Variants in GEMIN5 observed in about 807,000 individuals in gnomAD.
GEMIN5 encodes gem nuclear organelle associated protein 5.
GEMIN5 carries 124 observed loss-of-function variants against 176.9 expected under a neutral mutation model. The observed-to-expected ratio is 0.70, with a 90% CI of 0.61 to 0.81. The LOEUF is 0.81. GEMIN5 is among the 40% of genes least tolerant of loss of function. GEMIN5 has a pLI of 0.00. For missense variants in GEMIN5, 1,843 were observed against 1,814.6 expected (o/e 1.02, Z -0.28); for synonymous variants, 673 against 665.2 (o/e 1.01, Z -0.18).
intron 3 of GEMIN5, among the ~76,000 whole-genome samples, chr5:154,933,725 T>C (rs1339840613): frequency 6.6e-6 from 1 of 152,202 alleles, no homozygotes; most frequent in Non-Finnish European, 1.5e-5. Context: ...TGTCAACCTT[T>C]GAAGACCCGG....
chr5:154,894,582 C>A (rs898288982), intron 24 of GEMIN5, among the ~76,000 whole-genome samples: 2 of 151,932 alleles, frequency 1.3e-5, no homozygotes, highest in Non-Finnish European at 2.9e-5. Context: ...ACCAGCCTGG[C>A]CAACATGGTG....
intron 21 of GEMIN5, 86 bp downstream of exon 21, chr5:154,901,253 C>T: frequency 2.3e-6 from 3 of 1,281,150 alleles, no homozygotes; most frequent in South Asian, 1.4e-5. Context: ...ACTGTTTCTT[C>T]TATTTATGTT....
chr5:154,901,583 T>C, intron 20 of GEMIN5, 97 bp from the exon 21 acceptor site: 1 of 1,029,616 alleles, frequency 9.7e-7, no homozygotes, highest in Non-Finnish European at 1.5e-6. Flanking sequence ...TTTTCGTCAA[T>C]GCATTCAGCA....
chr5:154,907,481 C>A, intron 16 of GEMIN5, 110 bp downstream of exon 16: 3 of 652,958 alleles, frequency 4.6e-6, no homozygotes, highest in South Asian at 1.9e-5. Context: ...ATGCTGTTTC[C>A]AAGAGTTGGA....
chr5:154,888,958 CGCCATTCTCCTGCCTCCAT>C (rs1477050458), intron 27 of GEMIN5, among the ~76,000 whole-genome samples: 4 of 151,842 alleles, frequency 2.6e-5, no homozygotes. Flanking sequence ...CCTGAGTTCA[CGCCATTCTCCTGCCTCCAT>C]GCTATTCTCC....
intron 15 of GEMIN5, among the ~76,000 whole-genome samples, chr5:154,908,412 C>T (rs1188857670): frequency 6.6e-6 from 1 of 151,992 alleles, no homozygotes; most frequent in Non-Finnish European, 1.5e-5. Flanking sequence ...AACTCCTGAC[C>T]TCAGGTGATC....
At position 154,938,146 on chromosome 5, in the gene GEMIN5, T is replaced by A. The variant is rs1582682613; in HGVS notation, c.-13A>T. The A allele has an allele frequency of 2.2e-6, 3 of 1,365,008 alleles. No individual in the cohort carries two copies. The highest frequency in any genetic ancestry group is 5.7e-5 in the East Asian group (2 of 35,296). 84.6% of individuals were successfully genotyped at this position (1,365,008 alleles called of 1,614,324 possible). On this transcript the variant is annotated 5_prime_UTR_variant, in exon 1 of 28. Transcript: ENST00000285873. ...GCTCCTGCCCCATAACTACAAGCCG[T>A]CAGAGACAAGAGAAGCTGCCACAGC...
At chr5:154,912,285 A>G (rs1763718306) in intron 14 of GEMIN5, among the ~76,000 whole-genome samples, 1 of 152,002 alleles carries the variant, frequency 6.6e-6, no homozygotes, top group Non-Finnish European at 1.5e-5. Context: ...TTTGTCTCCA[A>G]CTCCTTGAGT....
chr5:154,928,365 G>A (rs1764088377), intron 6 of GEMIN5, among the ~76,000 whole-genome samples, 162 bp downstream of exon 6: 2 of 152,188 alleles, frequency 1.3e-5, no homozygotes, highest in African/African-American at 4.8e-5. Context: ...TCTTTTTACA[G>A]CTCTGTTAGT....
intron 21 of GEMIN5, among the ~76,000 whole-genome samples, chr5:154,900,361 A>G (rs769133209): frequency 6.6e-6 from 1 of 152,216 alleles, no homozygotes; most frequent in African/African-American, 2.4e-5. Context: ...ATATTTTGAA[A>G]GTATTTTGGG....
intron 24 of GEMIN5, among the ~76,000 whole-genome samples, chr5:154,895,413 T>G (rs1364953145): frequency 6.6e-6 from 1 of 152,010 alleles, no homozygotes; most frequent in Non-Finnish European, 1.5e-5. Context: ...GATCTCTTTT[T>G]ATCAACATGG....
intron 26 of GEMIN5, among the ~76,000 whole-genome samples, chr5:154,889,684 TGTCAA>T (rs1763185433): frequency 6.6e-6 from 1 of 152,214 alleles, no homozygotes; most frequent in African/African-American, 2.4e-5. Context: ...CCTTAGCCCC[TGTCAA>T]CATTATTCTA....
intron 26 of GEMIN5, among the ~76,000 whole-genome samples, chr5:154,890,531 G>T (rs887125476): frequency 6.8e-6 from 1 of 147,104 alleles, no homozygotes; most frequent in Non-Finnish European, 1.5e-5. Context: ...TGGCATGATC[G>T]TATCTCACTA....
At position 154,907,625 on chromosome 5, in the gene GEMIN5, C is replaced by T. The variant is rs781322894; in HGVS notation, c.2361G>A (p.Arg787=). The T allele has an allele frequency of 6.2e-7, 1 of 1,614,082 alleles. No individual in the cohort carries two copies. Among genetic ancestry groups the T allele is most frequent in the Non-Finnish European group, 8.5e-7 (1 of 1,179,988 alleles). ...CAAGGCCACAGGGTAATTCCGGCTC[C>T]CGTGCTTGCTCCTCCCCTTCTTGGT... is the stretch of plus-strand genomic sequence containing the variant. The part of the protein sequence containing the change: ...VSDQEGEEQA[R]EPELPCGLAP... The change falls in exon 16 of 28, where the codon CGG becomes CGA. Residue 787 remains arginine, a synonymous_variant. Coordinates refer to ENST00000285873, the MANE Select transcript of GEMIN5 (RefSeq NM_015465.5).
chr5:154,907,914 C>T (rs1439137230), intron 15 of GEMIN5, 96 bp from the exon 16 acceptor site: 1 of 767,468 alleles, frequency 1.3e-6, no homozygotes, highest in East Asian at 2.5e-5. Context: ...TCTTTAATAG[C>T]ATTTTTACCC....
chr5:154,913,120 A>G (rs969736522), intron 13 of GEMIN5, 82 bp from the exon 14 acceptor site: 14 of 1,171,842 alleles, frequency 1.2e-5, no homozygotes, highest in Middle Eastern at 2.0e-4. Flanking sequence ...AGGCATTCAC[A>G]TGACAAGAAT....
chr5:154,888,388 A>G lies in GEMIN5; in HGVS notation c.4360-11T>C, dbSNP rs1257726385. 6.8e-6 allele frequency: 11 copies of G among 1,610,758 alleles called. No individual in the cohort carries two copies. Among genetic ancestry groups the G allele is most frequent in the Non-Finnish European group, 9.3e-6 (11 of 1,178,446 alleles). On this transcript the variant is annotated splice_polypyrimidine_tract_variant and intron_variant, in intron 27 of 27. Coordinates refer to ENST00000285873, the MANE Select transcript of GEMIN5 (RefSeq NM_015465.5). ...TGGGAAGGGCCAGGCCTGAAAGACG[A>G]TGACATGAGGATGAATAAGGAAGCA...
At position 154,922,642 on chromosome 5, in the gene GEMIN5, C is replaced by G. The variant is rs922737234; in HGVS notation, c.1380-1217G>C. 6.6e-5 allele frequency among the ~76,000 whole-genome samples: 10 copies of G among 151,030 alleles called. 1 individual carries two copies. Among genetic ancestry groups the G allele is most frequent in the Admixed American group, 5.9e-4 (9 of 15,168 alleles). On this transcript the variant is annotated intron_variant, in intron 9 of 27. Transcript: ENST00000285873. The stretch of plus-strand genomic sequence containing the variant: ...TTAGCAATTTCATGGTGATATAGAA[C>G]TATTTAAGTTTTATTTGATTAAAAA...
intron 17 of GEMIN5, among the ~76,000 whole-genome samples, chr5:154,905,094 T>TGA (rs969409707): frequency 5.9e-5 from 9 of 152,092 alleles, no homozygotes; most frequent in Admixed American, 1.3e-4. Flanking sequence ...CTCGGGAGGC[T>TGA]GAGGCAGGAG....
Sources: gnomAD v4.1 joint callset for allele counts (sites outside exome capture counted in the v4.1 genomes callset) on GRCh38, gnomAD v4.1.1 for gene constraint, MANE v1.5 for transcripts, NCBI Gene and HGNC (gene_info 2026-07-23, HGNC 2026-07-21) for gene names.